DLG2: variants seen among roughly 807,000 people sequenced by gnomAD.
DLG2 encodes discs large MAGUK scaffold protein 2.
A neutral mutation model predicts 132.5 loss-of-function variants in DLG2; 45 were observed. The observed-to-expected ratio is 0.34, with a 90% CI of 0.27 to 0.44. The LOEUF (loss-of-function observed/expected upper bound fraction) is 0.44, where lower values mean the gene tolerates loss of function less well. Ranked by LOEUF, DLG2 falls within the 20% of genes least tolerant of loss-of-function variation. The pLI is 1.00. For synonymous variants in DLG2, 424 were observed against 419.6 expected (o/e 1.01, Z -0.13); for missense variants, 1,045 against 1,196.9 (o/e 0.87, Z 1.87).
At chr11:84,090,927 C>T (rs7109671) in intron 10 of DLG2, among the ~76,000 whole-genome samples, 131,985 of 152,168 alleles carry the variant, frequency 0.87, 57,527 homozygotes, top group Middle Eastern at 0.95. Context: ...GGCTTTTTTA[C>T]TGATACAGGG....
intron 19 of DLG2, among the ~76,000 whole-genome samples, chr11:83,587,599 G>T (rs1275084213): frequency 6.6e-6 from 1 of 152,100 alleles, no homozygotes; most frequent in Admixed American, 6.6e-5. Flanking sequence ...TATATAGAGA[G>T]AGTTTCTCTC....
intron 19 of DLG2, among the ~76,000 whole-genome samples, chr11:83,600,835 C>T (rs982539115): frequency 5.3e-5 from 8 of 152,222 alleles, no homozygotes; most frequent in Non-Finnish European, 1.2e-4. Context: ...GACTTTGCCT[C>T]ACATGCCAAA....
intron 11 of DLG2, among the ~76,000 whole-genome samples, chr11:83,981,791 T>C (rs1286145131): frequency 1.3e-5 from 2 of 152,194 alleles, no homozygotes; most frequent in Non-Finnish European, 2.9e-5. Flanking sequence ...TGGCAGAATA[T>C]CAAATCATTT....
intron 4 of DLG2, among the ~76,000 whole-genome samples, chr11:85,173,146 G>T (rs948359400): frequency 1.3e-5 from 2 of 151,974 alleles, no homozygotes; most frequent in Admixed American, 1.3e-4. Context: ...CCAACAAGAA[G>T]ATAATCCCCA....
chr11:84,861,615 C>A (rs1484871623), intron 6 of DLG2, among the ~76,000 whole-genome samples: 5 of 28,108 alleles, frequency 1.8e-4, no homozygotes, highest in African/African-American at 3.0e-4. Context: ...AGCTTCTACA[C>A]AGCAAAAAAA....
At chr11:83,691,679 A>G (rs761618961) in intron 18 of DLG2, among the ~76,000 whole-genome samples, 3 of 152,116 alleles carry the variant, frequency 2.0e-5, no homozygotes, top group Non-Finnish European at 4.4e-5. Context: ...TCAGAAGCCG[A>G]TAGAAGATAC....
intron 4 of DLG2, among the ~76,000 whole-genome samples, chr11:85,217,898 T>A (rs1169156455): frequency 5.3e-5 from 8 of 152,176 alleles, no homozygotes; most frequent in Admixed American, 5.2e-4. Flanking sequence ...ATTTTTAAAG[T>A]CTTACTTTTT....
rs555603276 is a variant in DLG2 at position 84,419,162 on chromosome 11, G to A, written c.519+115408C>T. On this transcript the variant is annotated intron_variant, in intron 7 of 27. Transcript: ENST00000376104. Reference sequence around the variant, plus strand: ...AGAAAAAAGAGGGGAGGAATAGGGAGACAGGCAGAGAGAGAGAGAGATATT... The same window carrying A: ...AGAAAAAAGAGGGGAGGAATAGGGAAACAGGCAGAGAGAGAGAGAGATATT... 3.6e-4 allele frequency among the ~76,000 whole-genome samples: 52 copies of A among 146,192 alleles called. 1 individual carries two copies. The South Asian group carries it at 0.011, about 31-fold the overall frequency.
At chr11:84,867,462 C>A (rs1272358012) in intron 6 of DLG2, among the ~76,000 whole-genome samples, 1 of 152,084 alleles carries the variant, frequency 6.6e-6, no homozygotes, top group Admixed American at 6.6e-5. Context: ...GTATGAGGAC[C>A]CAAATACTCA....
intron 7 of DLG2, among the ~76,000 whole-genome samples, chr11:84,331,476 A>G (rs771021891): frequency 1.1e-4 from 17 of 151,646 alleles, no homozygotes; most frequent in Non-Finnish European, 2.1e-4. Context: ...TAAATAAATA[A>G]AAGTAATACA....
chr11:83,558,003 C>G (rs531531), intron 19 of DLG2, among the ~76,000 whole-genome samples: 72,865 of 151,856 alleles, frequency 0.48, 18,168 homozygotes, highest in African/African-American at 0.59. Flanking sequence ...AGCAGGAGGA[C>G]AATATGGAAT....
chr11:84,303,676 T>G (rs1397525102), intron 7 of DLG2, among the ~76,000 whole-genome samples: 1 of 152,216 alleles, frequency 6.6e-6, no homozygotes, highest in African/African-American at 2.4e-5. Flanking sequence ...ATCTAATTTC[T>G]AACCAATGAT....
chr11:83,509,430 A>G (rs758750244), intron 21 of DLG2, among the ~76,000 whole-genome samples: 1 of 152,200 alleles, frequency 6.6e-6, no homozygotes, highest in Non-Finnish European at 1.5e-5. Context: ...CCTACAGAGC[A>G]TATTTTCCTT....
intron 6 of DLG2, among the ~76,000 whole-genome samples, chr11:84,561,902 A>G (rs2099429438): frequency 6.6e-6 from 1 of 152,190 alleles, no homozygotes; most frequent in African/African-American, 2.4e-5. Context: ...CGAAATTGCA[A>G]CTGGGTTTCA....
chr11:84,156,774 T>C (rs1344395976), intron 9 of DLG2, among the ~76,000 whole-genome samples: 1 of 152,226 alleles, frequency 6.6e-6, no homozygotes, highest in Non-Finnish European at 1.5e-5. Context: ...GTTTAGGATA[T>C]AAGGTATGTA....
chr11:83,995,345 A>AGCC (rs2093967240), intron 11 of DLG2, among the ~76,000 whole-genome samples: 1 of 152,158 alleles, frequency 6.6e-6, no homozygotes, highest in Non-Finnish European at 1.5e-5. Flanking sequence ...CCACATGTAG[A>AGCC]AATAGAGGCT....
intron 14 of DLG2, among the ~76,000 whole-genome samples, chr11:83,948,537 GA>G (rs1405744751): frequency 6.8e-6 from 1 of 147,878 alleles, no homozygotes; most frequent in Non-Finnish European, 1.5e-5. Flanking sequence ...CTAAGTAAAA[GA>G]AAAACCAAGA....
intron 18 of DLG2, among the ~76,000 whole-genome samples, chr11:83,650,952 G>A (rs188428141): frequency 1.3e-5 from 2 of 152,226 alleles, no homozygotes; most frequent in Admixed American, 6.5e-5. Context: ...AAATTTGATA[G>A]TAAGTCTTTT....
chr11:85,506,855 T>C (rs1435022173), intron 3 of DLG2, among the ~76,000 whole-genome samples: 1 of 152,198 alleles, frequency 6.6e-6, no homozygotes, highest in Non-Finnish European at 1.5e-5. Flanking sequence ...GGAGTCTAAG[T>C]CTCTTTGTAG....
Sources: allele counts gnomAD v4.1 joint callset (sites outside exome capture counted in the v4.1 genomes callset), GRCh38; gene constraint gnomAD v4.1.1; transcripts MANE v1.5; gene names NCBI Gene and HGNC (gene_info 2026-07-23, HGNC 2026-07-21).